Variants in PNPT1 observed in about 807,000 individuals in gnomAD.
PNPT1 encodes polyribonucleotide nucleotidyltransferase 1, mitochondrial.
In PNPT1, 53 loss-of-function variants were observed where a neutral mutation model predicts 119.5. That is an observed-to-expected ratio of 0.44 (90% CI 0.36 to 0.56). The LOEUF (loss-of-function observed/expected upper bound fraction) is 0.56, where lower values mean the gene tolerates loss of function less well. PNPT1 is among the 20% of genes least tolerant of loss of function. The pLI is 0.00. For synonymous variants in PNPT1, 357 were observed against 322.1 expected, an observed-to-expected ratio of 1.11 and a Z score of -1.16; for missense variants, 948 against 938.5, an observed-to-expected ratio of 1.01 and a Z score of -0.13.
At chr2:55,686,971 T>C (rs955149656) in intron 2 of PNPT1, among the ~76,000 whole-genome samples, 8 of 151,856 alleles carry the variant, frequency 5.3e-5, no homozygotes, top group Non-Finnish European at 8.8e-5. Context: ...TCCCAGCACT[T>C]TGGGAGGCTG....
chr2:55,656,849 G>C lies in PNPT1; in HGVS notation c.1285-478C>G, dbSNP rs1696402716. ...TGAAACAAAATACATGAATGGGAAAGTTGCATATTTTGAAGTATTTCTCAA... is the reference window on the plus strand; with the variant it reads ...TGAAACAAAATACATGAATGGGAAACTTGCATATTTTGAAGTATTTCTCAA... On this transcript the variant is annotated intron_variant, in intron 15 of 27. Transcript: ENST00000447944. 5.3e-5 allele frequency among the ~76,000 whole-genome samples: 8 copies of C among 152,262 alleles called. No individual in the cohort carries two copies. The South Asian group carries it at 1.7e-3, about 32-fold the overall frequency.
chr2:55,671,936 G>C (rs1353099091), intron 10 of PNPT1, 59 bp downstream of exon 10: 7 of 1,288,918 alleles, frequency 5.4e-6, no homozygotes, highest in South Asian at 2.7e-5. Flanking sequence ...AATTACATGA[G>C]TTATGACAAA....
At chr2:55,686,278 T>C (rs1208436955) in intron 3 of PNPT1, 92 bp downstream of exon 3, 2 of 1,166,392 alleles carry the variant, frequency 1.7e-6, no homozygotes, top group Admixed American at 5.0e-5. Flanking sequence ...CAAGTTTGTA[T>C]TTTCCACTCA....
At chr2:55,648,208 C>T (rs951895174) in intron 18 of PNPT1, among the ~76,000 whole-genome samples, 7 of 152,132 alleles carry the variant, frequency 4.6e-5, no homozygotes, top group South Asian at 4.1e-4. Flanking sequence ...TTTCTTTACT[C>T]GTGGCGGCAG....
chr2:55,683,470 G>A (rs1166139379), intron 5 of PNPT1, among the ~76,000 whole-genome samples: 4 of 151,818 alleles, frequency 2.6e-5, no homozygotes, highest in African/African-American at 7.3e-5. Flanking sequence ...AAAATTAGTC[G>A]GGCATGGTGG....
intron 1 of PNPT1, 136 bp downstream of exon 1, chr2:55,693,527 T>C: frequency 7.8e-7 from 1 of 1,285,172 alleles, no homozygotes; most frequent in Non-Finnish European, 1.1e-6. Flanking sequence ...GAAAGGGAAA[T>C]TTGGAATTTA....
chr2:55,650,489 G>GCTACAACCTTCACCTCC (rs1696141474), intron 18 of PNPT1, among the ~76,000 whole-genome samples: 1 of 152,092 alleles, frequency 6.6e-6, no homozygotes, highest in Admixed American at 6.6e-5. Flanking sequence ...ATCTCAGCTC[G>GCTACAACCTTCACCTCC]CTACAACCTT....
At chr2:55,667,266 C>A (rs1483060142) in intron 12 of PNPT1, among the ~76,000 whole-genome samples, 173 bp from the exon 13 acceptor site, 1 of 152,078 alleles carries the variant, frequency 6.6e-6, no homozygotes, top group African/African-American at 2.4e-5. Flanking sequence ...ATCAGAATGT[C>A]TGAAGTTGAA....
intron 26 of PNPT1, among the ~76,000 whole-genome samples, chr2:55,638,249 C>A (rs534828270): frequency 1.3e-5 from 2 of 150,704 alleles, no homozygotes; most frequent in Non-Finnish European, 2.9e-5. Flanking sequence ...TTGCAGTAAG[C>A]TGAGATTATG....
intron 25 of PNPT1, among the ~76,000 whole-genome samples, chr2:55,640,930 A>G (rs535995764): frequency 3.3e-5 from 5 of 152,176 alleles, no homozygotes; most frequent in Non-Finnish European, 7.4e-5. Flanking sequence ...AACATGCAAT[A>G]GAAAAGCTTT....
At chr2:55,688,618 A>C (rs1427599940) in intron 1 of PNPT1, among the ~76,000 whole-genome samples, 2 of 151,988 alleles carry the variant, frequency 1.3e-5, no homozygotes, top group Non-Finnish European at 2.9e-5. Flanking sequence ...CCAGCTACCA[A>C]GGAGGCCGAG....
At chr2:55,671,419 C>T (rs1559104172) in intron 10 of PNPT1, 43 bp from the exon 11 acceptor site, 1 of 1,169,840 alleles carries the variant, frequency 8.5e-7, no homozygotes, top group Non-Finnish European at 1.2e-6. Flanking sequence ...TACATGACAA[C>T]ATTTAATATT....
intron 9 of PNPT1, 52 bp downstream of exon 9, chr2:55,672,841 G>A: frequency 6.7e-7 from 1 of 1,499,886 alleles, no homozygotes; most frequent in Non-Finnish European, 9.0e-7. Flanking sequence ...CTCCCACGAG[G>A]AAATTAAATC....
chr2:55,667,139 GA>G, intron 12 of PNPT1, 46 bp from the exon 13 acceptor site: 1 of 1,415,236 alleles, frequency 7.1e-7, no homozygotes, highest in Non-Finnish European at 1.0e-6. Flanking sequence ...GCTGGAAACA[GA>G]AAAATCACAT....
intron 1 of PNPT1, among the ~76,000 whole-genome samples, chr2:55,692,377 C>T (rs910792392): frequency 6.6e-5 from 10 of 152,064 alleles, no homozygotes; most frequent in African/African-American, 4.8e-5. Context: ...AGTTAGAGTG[C>T]GAGACCTGGA....
In PNPT1 at chr2:55,667,293, G is replaced by A. The variant is rs12329050; in HGVS notation, c.1074-200C>T. Among the ~76,000 whole-genome samples, 68,709 of 151,906 alleles carry A rather than the reference G, an allele frequency of 0.45. 16,441 individuals carry two copies. The highest frequency in any genetic ancestry group is 0.62 in the African/African-American group (25,874 of 41,436). ...GAAGTTGAACCTATATTCCTGTGTT[G>A]TTAAAAAACTCTACAGGTAGGCCGG... On this transcript the variant is annotated intron_variant, in intron 12 of 27. Transcript: ENST00000447944.
chr2:55,674,256 T>C (rs1395151840), intron 8 of PNPT1, among the ~76,000 whole-genome samples: 1 of 152,050 alleles, frequency 6.6e-6, no homozygotes, highest in African/African-American at 2.4e-5. Context: ...AGAGAAGACA[T>C]CGTGGACTGT....
At chr2:55,690,058 G>T (rs954799693) in intron 1 of PNPT1, among the ~76,000 whole-genome samples, 4 of 152,156 alleles carry the variant, frequency 2.6e-5, no homozygotes, top group Non-Finnish European at 5.9e-5. Context: ...CTGGACTCAA[G>T]CAATCCTCCT....
At chr2:55,653,507 A>C (rs1388547350) in intron 18 of PNPT1, among the ~76,000 whole-genome samples, 1 of 152,214 alleles carries the variant, frequency 6.6e-6, no homozygotes, top group Non-Finnish European at 1.5e-5. Context: ...GAGATTTGGA[A>C]GACTGAGAAA....
Sources: allele counts gnomAD v4.1 joint callset (sites outside exome capture counted in the v4.1 genomes callset), GRCh38; gene constraint gnomAD v4.1.1; transcripts MANE v1.5; gene names NCBI Gene and HGNC (gene_info 2026-07-23, HGNC 2026-07-21).